Variants in CDK8 observed in about 807,000 individuals in gnomAD.
CDK8 encodes cyclin dependent kinase 8, also known as cyclin-dependent kinase 8.
In CDK8, 29 loss-of-function variants were observed where a neutral mutation model predicts 71.5. That is an observed-to-expected ratio of 0.41 (90% CI 0.30 to 0.55). CDK8 has a LOEUF of 0.55. Among genes scored for constraint, CDK8 ranks in the 20% least tolerant of loss-of-function variants. CDK8 has a pLI of 0.37. For missense variants in CDK8, 288 were observed against 572.6 expected (o/e 0.50, Z 5.07); for synonymous variants, 161 against 192.1 (o/e 0.84, Z 1.34).
intron 3 of CDK8, among the ~76,000 whole-genome samples, chr13:26,349,771 A>G: frequency 6.6e-6 from 1 of 150,768 alleles, no homozygotes; most frequent in East Asian, 1.9e-4. Context: ...ATACAAATGT[A>G]GGAAACTGTT....
intron 4 of CDK8, among the ~76,000 whole-genome samples, chr13:26,375,147 C>G (rs1257213485): frequency 6.6e-6 from 1 of 151,812 alleles, no homozygotes; most frequent in Non-Finnish European, 1.5e-5. Flanking sequence ...AGTTTGATGC[C>G]TTTTAAATTT....
At chr13:26,371,960 A>G (rs896244583) in intron 4 of CDK8, among the ~76,000 whole-genome samples, 1 of 152,168 alleles carries the variant, frequency 6.6e-6, no homozygotes, top group Non-Finnish European at 1.5e-5. Flanking sequence ...AATTTTAAAA[A>G]TAAAGAATGA....
At chr13:26,363,870 C>T (rs1874260795) in intron 4 of CDK8, among the ~76,000 whole-genome samples, 1 of 152,062 alleles carries the variant, frequency 6.6e-6, no homozygotes, top group Non-Finnish European at 1.5e-5. Context: ...CACACTTTAT[C>T]AAGGCATCTT....
intron 6 of CDK8, 52 bp from the exon 7 acceptor site, chr13:26,393,315 C>A: frequency 4.1e-6 from 5 of 1,227,060 alleles, no homozygotes; most frequent in South Asian, 3.3e-5. Context: ...CTTTCTTTTT[C>A]TTTTTTCCTT....
chr13:26,259,531 C>T (rs753294429), intron 1 of CDK8, among the ~76,000 whole-genome samples: 14 of 152,064 alleles, frequency 9.2e-5, no homozygotes, highest in Non-Finnish European at 2.1e-4. Context: ...TTTTGGGGGA[C>T]GGTCCTGGAA....
chr13:26,382,647 C>T (rs1346084062), intron 4 of CDK8, among the ~76,000 whole-genome samples, 167 bp from the exon 5 acceptor site: 6 of 152,160 alleles, frequency 3.9e-5, no homozygotes, highest in Admixed American at 3.9e-4. Flanking sequence ...TTGCATACCG[C>T]TTTGCATATA....
intron 1 of CDK8, among the ~76,000 whole-genome samples, chr13:26,261,265 A>G (rs181497314): frequency 2.8e-3 from 432 of 152,308 alleles, no homozygotes; most frequent in African/African-American, 0.01. Context: ...CTTCAGATGT[A>G]TTGTAGCAGA....
At chr13:26,294,257 A>G (rs1378935705) in intron 1 of CDK8, among the ~76,000 whole-genome samples, 1 of 151,846 alleles carries the variant, frequency 6.6e-6, no homozygotes, top group Non-Finnish European at 1.5e-5. Flanking sequence ...CAGCCTCCTC[A>G]GTAGTTGGGA....
chr13:26,390,728 T>C (rs1424721823), intron 6 of CDK8, among the ~76,000 whole-genome samples: 1 of 152,122 alleles, frequency 6.6e-6, no homozygotes, highest in Admixed American at 6.5e-5. Flanking sequence ...AAATGAGAAT[T>C]TCTTCCCTTT....
chr13:26,314,649 C>T (rs1874429117), intron 1 of CDK8, among the ~76,000 whole-genome samples: 1 of 152,134 alleles, frequency 6.6e-6, no homozygotes, highest in South Asian at 2.1e-4. Flanking sequence ...ATGGAGTCAC[C>T]ATGCTAGACT....
chr13:26,271,943 T>A (rs924550892), intron 1 of CDK8, among the ~76,000 whole-genome samples: 1 of 150,148 alleles, frequency 6.7e-6, no homozygotes, highest in Non-Finnish European at 1.5e-5. Context: ...GGTAAGTGCA[T>A]GTGAAGGCCT....
At chr13:26,312,792 T>C (rs1262549324) in intron 1 of CDK8, among the ~76,000 whole-genome samples, 3 of 152,172 alleles carry the variant, frequency 2.0e-5, no homozygotes, top group Non-Finnish European at 2.9e-5. Flanking sequence ...CTATCTCGTT[T>C]TGATTCTTTA....
intron 3 of CDK8, among the ~76,000 whole-genome samples, chr13:26,352,495 C>T (rs750973849): frequency 1.3e-5 from 2 of 152,176 alleles, no homozygotes; most frequent in Non-Finnish European, 2.9e-5. Flanking sequence ...GGATTACAGG[C>T]GTGAGCCACC....
chr13:26,357,515 T>C (rs1873944158), intron 4 of CDK8, among the ~76,000 whole-genome samples: 1 of 152,198 alleles, frequency 6.6e-6, no homozygotes, highest in Admixed American at 6.5e-5. Flanking sequence ...CTCTCTTCCC[T>C]TTTCTTTGTT....
intron 1 of CDK8, among the ~76,000 whole-genome samples, chr13:26,268,869 C>G (rs556168840): frequency 6.6e-6 from 1 of 152,176 alleles, no homozygotes; most frequent in South Asian, 2.1e-4. Flanking sequence ...TTGCTTAGAT[C>G]ATCTTTCTTT....
intron 9 of CDK8, among the ~76,000 whole-genome samples, chr13:26,399,611 A>G (rs1876161798): frequency 2.6e-5 from 4 of 152,256 alleles, no homozygotes; most frequent in Admixed American, 6.5e-5. Context: ...GAATCTTCAC[A>G]TTAGTGTGGC....
At chr13:26,258,274 A>G (rs1871617043) in intron 1 of CDK8, among the ~76,000 whole-genome samples, 4 of 152,190 alleles carry the variant, frequency 2.6e-5, no homozygotes, top group Admixed American at 2.6e-4. Flanking sequence ...TAATTAATAT[A>G]TTGAATAAGT....
chr13:26,305,483 G>A lies in CDK8; in HGVS notation c.129-32084G>A, dbSNP rs148565035. ...AATGCTTCTGAATCTGTAATTCGACGTCATTAGTTTTAGAAAATTCTTAGT... is the reference window on the plus strand; with the variant it reads ...AATGCTTCTGAATCTGTAATTCGACATCATTAGTTTTAGAAAATTCTTAGT... On this transcript the variant is annotated intron_variant, in intron 1 of 12. Transcript: ENST00000381527. Among the ~76,000 whole-genome samples, 45 of 152,194 alleles carry A rather than the reference G, an allele frequency of 3.0e-4. No homozygotes were observed. The East Asian group carries it at 7.3e-3, about 25-fold the overall frequency.
chr13:26,362,176 A>C (rs1181174255), intron 4 of CDK8, among the ~76,000 whole-genome samples: 1 of 152,062 alleles, frequency 6.6e-6, no homozygotes, highest in Non-Finnish European at 1.5e-5. Flanking sequence ...AGAGAAACAG[A>C]GTCAATAGGA....
Sources: gnomAD v4.1 joint callset for allele counts (sites outside exome capture counted in the v4.1 genomes callset) on GRCh38, gnomAD v4.1.1 for gene constraint, MANE v1.5 for transcripts, NCBI Gene and HGNC (gene_info 2026-07-23, HGNC 2026-07-21) for gene names.